Variants in GRIK2 observed in about 807,000 individuals in gnomAD.
GRIK2 encodes glutamate ionotropic receptor kainate type subunit 2, also known as glutamate receptor ionotropic, kainate 2.
A neutral mutation model predicts 100.3 loss-of-function variants in GRIK2; 32 were observed. The ratio of observed to expected loss-of-function variants is 0.32; its 90% CI spans 0.24 to 0.43. The LOEUF (loss-of-function observed/expected upper bound fraction) is 0.43. Ranked by LOEUF, GRIK2 falls within the 20% of genes least tolerant of loss-of-function variation. The probability of loss-of-function intolerance (pLI) is 1.00; values close to 1 mark genes in which losing one functional copy is unlikely to be tolerated. For missense variants in GRIK2, 843 were observed against 1,114.9 expected (o/e 0.76, Z 3.47); for synonymous variants, 417 against 389.4 (o/e 1.07, Z -0.83).
At chr6:101,700,736 C>T (rs905816228) in intron 7 of GRIK2, among the ~76,000 whole-genome samples, 1 of 152,032 alleles carries the variant, frequency 6.6e-6, no homozygotes, top group African/African-American at 2.4e-5. Context: ...CTTTTCCTGC[C>T]CTATCCTGCT....
At chr6:101,959,292 T>G (rs1014717395) in intron 14 of GRIK2, among the ~76,000 whole-genome samples, 3 of 152,094 alleles carry the variant, frequency 2.0e-5, no homozygotes, top group Admixed American at 6.6e-5. Context: ...TCATTACTCA[T>G]TATTGTCTGT....
chr6:101,967,438 G>A (rs1034549169), intron 14 of GRIK2, among the ~76,000 whole-genome samples: 1 of 151,998 alleles, frequency 6.6e-6, no homozygotes, highest in Non-Finnish European at 1.5e-5. Flanking sequence ...ATTTACATAA[G>A]CACTTTTTAA....
At chr6:101,559,356 T>C (rs1418771590) in intron 2 of GRIK2, among the ~76,000 whole-genome samples, 9 of 152,114 alleles carry the variant, frequency 5.9e-5, no homozygotes, top group Non-Finnish European at 1.2e-4. Flanking sequence ...ACTGAAGCTC[T>C]CTATAATCTT....
intron 14 of GRIK2, among the ~76,000 whole-genome samples, chr6:101,930,315 T>C (rs1187981015): frequency 6.7e-6 from 1 of 150,300 alleles, no homozygotes; most frequent in Non-Finnish European, 1.5e-5. Context: ...GCACTCCAGC[T>C]TGGGCAACTG....
At chr6:102,063,426 A>G (rs1402439968) in intron 16 of GRIK2, among the ~76,000 whole-genome samples, 1 of 150,830 alleles carries the variant, frequency 6.6e-6, no homozygotes, top group Non-Finnish European at 1.5e-5. Flanking sequence ...GATGAGCATA[A>G]AAGTTAAATC....
chr6:101,993,988 A>T (rs925918939), intron 14 of GRIK2: 1 of 146,216 alleles, frequency 6.8e-6, no homozygotes, highest in African/African-American at 2.6e-5. Context: ...CATACAATGT[A>T]TATACATACA....
At chr6:101,782,502 C>T (rs760255208) in intron 7 of GRIK2, among the ~76,000 whole-genome samples, 7 of 152,146 alleles carry the variant, frequency 4.6e-5, no homozygotes, top group Admixed American at 2.6e-4. Flanking sequence ...ATAATGACCT[C>T]CAATTCCATC....
intron 2 of GRIK2, among the ~76,000 whole-genome samples, chr6:101,420,895 T>C (rs1333567644): frequency 6.6e-6 from 1 of 152,134 alleles, no homozygotes; most frequent in Non-Finnish European, 1.5e-5. Flanking sequence ...GGAAAAAGGG[T>C]TAACATTTCA....
chr6:101,592,619 ATATAT>A (rs2128307189), intron 2 of GRIK2, among the ~76,000 whole-genome samples: 1 of 119,272 alleles, frequency 8.4e-6, no homozygotes, highest in East Asian at 2.8e-4. Context: ...ATATATATAT[ATATAT>A]TGCTTTTTCA....
intron 7 of GRIK2, among the ~76,000 whole-genome samples, chr6:101,778,956 T>C (rs1287437679): frequency 1.3e-5 from 2 of 152,240 alleles, no homozygotes; most frequent in East Asian, 3.9e-4. Flanking sequence ...TAAGCACATA[T>C]AAATATTTTA....
chr6:101,429,533 A>G (rs1365764256), intron 2 of GRIK2, among the ~76,000 whole-genome samples: 1 of 152,178 alleles, frequency 6.6e-6, no homozygotes, highest in African/African-American at 2.4e-5. Context: ...CAAGAGCCTA[A>G]AAAGAAAGTG....
At chr6:101,488,438 A>T (rs1273002228) in intron 2 of GRIK2, among the ~76,000 whole-genome samples, 2 of 147,076 alleles carry the variant, frequency 1.4e-5, no homozygotes, top group Non-Finnish European at 3.0e-5. Flanking sequence ...GTTTATAATT[A>T]TAATGTAAAC....
intron 4 of GRIK2, among the ~76,000 whole-genome samples, chr6:101,641,373 A>T (rs1276827176): frequency 6.6e-6 from 1 of 152,000 alleles, no homozygotes; most frequent in Non-Finnish European, 1.5e-5. Flanking sequence ...AAAGAAAGAA[A>T]ATTAAGTCAG....
intron 15 of GRIK2, among the ~76,000 whole-genome samples, chr6:102,041,844 G>T (rs1770596634): frequency 6.6e-6 from 1 of 151,452 alleles, no homozygotes. Context: ...ATAATTGAAA[G>T]AATATGTTAG....
chr6:101,804,296 T>A (rs556246230), intron 9 of GRIK2, among the ~76,000 whole-genome samples: 2 of 152,110 alleles, frequency 1.3e-5, no homozygotes, highest in African/African-American at 4.8e-5. Context: ...CAAATAAAGC[T>A]AAAATGCTAG....
intron 2 of GRIK2, chr6:101,431,140 C>T (rs999362289): frequency 6.1e-5 from 15 of 244,930 alleles, no homozygotes; most frequent in South Asian, 2.0e-4. Flanking sequence ...AGAGGAGCCT[C>T]GGGCAGCAGC....
At chr6:101,792,726 CTGTAT>C (rs1174968159) in intron 7 of GRIK2, among the ~76,000 whole-genome samples, 1 of 152,004 alleles carries the variant, frequency 6.6e-6, no homozygotes, top group African/African-American at 2.4e-5. Flanking sequence ...GTGGTGTTCT[CTGTAT>C]TTCCTGAATC....
At chr6:101,879,621 A>G (rs539833440) in intron 11 of GRIK2, among the ~76,000 whole-genome samples, 149 of 151,954 alleles carry the variant, frequency 9.8e-4, no homozygotes, top group Non-Finnish European at 1.7e-3. Flanking sequence ...AATTATATCA[A>G]TAATCTGAAA....
chr6:102,042,528 G>A (rs1453480272), intron 15 of GRIK2, among the ~76,000 whole-genome samples: 1 of 151,544 alleles, frequency 6.6e-6, no homozygotes. Context: ...AATTGCAAAA[G>A]GGACTTCAGC....
Sources: allele counts gnomAD v4.1 joint callset (sites outside exome capture counted in the v4.1 genomes callset), GRCh38; gene constraint gnomAD v4.1.1; transcripts MANE v1.5; gene names NCBI Gene and HGNC (gene_info 2026-07-23, HGNC 2026-07-21).